The following ARL17A variants were observed in gnomAD, a reference collection of about 807,000 sequenced individuals.
ARL17A encodes the protein ARF like GTPase 17A.
At chr17:46,511,690 T>C in the ARL17A span, 1 of 62,060 alleles carries the variant, frequency 1.6e-5, no homozygotes, top group Non-Finnish European at 4.0e-5. Context: ...GTCTCGAACT[T>C]CTGACCTCAG....
chr17:46,501,537 A>T, the ARL17A span, among the ~76,000 whole-genome samples: 5 of 151,400 alleles, frequency 3.3e-5, no homozygotes, highest in South Asian at 1.0e-3. Context: ...GCCGGCTGTT[A>T]TATAAAGGAG....
chr17:46,526,719 G>A (rs1246848387), downstream of ARL17A, among the ~76,000 whole-genome samples: 2 of 105,378 alleles, frequency 1.9e-5, no homozygotes, highest in Non-Finnish European at 4.1e-5. Flanking sequence ...GCTTATTAGT[G>A]GACTTAACTG....
Position 46,521,071 on chromosome 17 carries a change from A to C in ARL17A, c.260-3838T>G, listed in dbSNP as rs1229455917. On this transcript the variant is annotated intron_variant, in intron 3 of 4. Coordinates refer to the ARL17A transcript ENST00000445552. Reference sequence around the variant, plus strand: ...AACTGGTAGAGCTAGAAATGTTTACACTAAGAAGCACATCAGAAATGCCCC... The same window carrying C: ...AACTGGTAGAGCTAGAAATGTTTACCCTAAGAAGCACATCAGAAATGCCCC... Among the ~76,000 whole-genome samples, 13 of 79,648 alleles carry C rather than the reference A, an allele frequency of 1.6e-4. 3 individuals carry two copies. The highest frequency in any genetic ancestry group is 4.1e-4 in the African/African-American group (11 of 27,156). The allele number at this position is 79,648 out of a possible 152,430, so 52.3% of individuals were successfully genotyped here. A position where few individuals can be genotyped will look rare whatever the true frequency, so the allele number is the denominator to read the frequency against.
At chr17:46,529,204 AG>A (rs1362598007) in intron 4 of ARL17A, among the ~76,000 whole-genome samples, 5 of 131,280 alleles carry the variant, frequency 3.8e-5, no homozygotes, top group Admixed American at 8.0e-5. Flanking sequence ...GGGAAAAAAA[AG>A]AACAAGCAAG....
chr17:46,502,379 C>T, the ARL17A span, among the ~76,000 whole-genome samples: 1 of 151,210 alleles, frequency 6.6e-6, no homozygotes, highest in African/African-American at 2.5e-5. Flanking sequence ...GGCCCGGTCT[C>T]TGCTCACTGC....
In ARL17A at chr17:46,553,282, T is replaced by G. The variant is rs2056991414; in HGVS notation, c.*4074A>C. Reference sequence around the variant, plus strand: ...GTTACACAGCATACAATTCCTGTCTTCAAAAAAGTTACCTCATCAGGTAGA... The same window carrying G: ...GTTACACAGCATACAATTCCTGTCTGCAAAAAAGTTACCTCATCAGGTAGA... On this transcript the variant is annotated 3_prime_UTR_variant, in exon 4 of 4. Coordinates refer to ENST00000336125, the MANE Select transcript of ARL17A (RefSeq NM_001113738.2). 1.3e-6 allele frequency: 2 copies of G among 1,549,214 alleles called. No individual in the cohort carries two copies. The highest frequency in any genetic ancestry group is 3.8e-5 in the Admixed American group (2 of 52,422).
At chr17:46,534,685 T>C (rs1427080819) in intron 4 of ARL17A, among the ~76,000 whole-genome samples, 2 of 149,912 alleles carry the variant, frequency 1.3e-5, no homozygotes, top group East Asian at 2.0e-4. Context: ...ATCGTCATCA[T>C]GGCCCGTTCT....
intron 3 of ARL17A, among the ~76,000 whole-genome samples, chr17:46,519,883 GA>G (rs1598317592): frequency 7.7e-6 from 1 of 129,304 alleles, no homozygotes; most frequent in African/African-American, 3.0e-5. Context: ...GGAGGAAATG[GA>G]GGTTCTGCTG....
At chr17:46,545,548 A>G (rs1355755206) in intron 3 of ARL17A, among the ~76,000 whole-genome samples, 2 of 126,504 alleles carry the variant, frequency 1.6e-5, no homozygotes, top group African/African-American at 7.6e-5. Context: ...TTTTCACCCA[A>G]ATGTGCATCA....
At chr17:46,545,394 T>A (rs1428780887) in intron 3 of ARL17A, among the ~76,000 whole-genome samples, 1 of 130,044 alleles carries the variant, frequency 7.7e-6, no homozygotes, top group Non-Finnish European at 1.6e-5. Context: ...TGAGGCTGCA[T>A]TGAGGTATAA....
chr17:46,532,898 C>T (rs2053916119), intron 4 of ARL17A, among the ~76,000 whole-genome samples: 3 of 147,474 alleles, frequency 2.0e-5, no homozygotes, highest in Non-Finnish European at 4.4e-5. Context: ...CCCAGGAGTT[C>T]GAGGCCAGCC....
At chr17:46,502,199 A>G in the ARL17A span, among the ~76,000 whole-genome samples, 12 of 151,308 alleles carry the variant, frequency 7.9e-5, 1 homozygote, top group African/African-American at 2.2e-4. Flanking sequence ...ATGTTCTACA[A>G]GTTAATAGAT....
the ARL17A span, among the ~76,000 whole-genome samples, chr17:46,502,040 G>A: frequency 6.6e-6 from 1 of 151,386 alleles, no homozygotes; most frequent in East Asian, 1.9e-4. Flanking sequence ...ATATGGTAAA[G>A]GTATGGTAAA....
chr17:46,575,086 G>A (rs1323597166), intron 2 of ARL17A, among the ~76,000 whole-genome samples: 1 of 83,338 alleles, frequency 1.2e-5, no homozygotes. Flanking sequence ...GACAGAGCGA[G>A]ACTCTATCTC....
At chr17:46,532,350 C>T (rs1402503133) in intron 4 of ARL17A, among the ~76,000 whole-genome samples, 1 of 150,476 alleles carries the variant, frequency 6.6e-6, no homozygotes, top group Non-Finnish European at 1.5e-5. Flanking sequence ...TTTCCATCTA[C>T]ATTCATAAGA....
chr17:46,536,824 C>G (rs2054605047), intron 4 of ARL17A, among the ~76,000 whole-genome samples: 1 of 9,560 alleles, frequency 1.0e-4, no homozygotes, highest in African/African-American at 7.2e-4. Flanking sequence ...CAGGGAACCA[C>G]CAGACAGATG....
intron 3 of ARL17A, among the ~76,000 whole-genome samples, chr17:46,569,323 G>A (rs2057643877): frequency 6.7e-6 from 1 of 149,668 alleles, no homozygotes; most frequent in African/African-American, 2.5e-5. Flanking sequence ...TATTAATTTT[G>A]GAGATGTTAT....
At chr17:46,501,417 C>T in the ARL17A span, among the ~76,000 whole-genome samples, 1 of 151,200 alleles carries the variant, frequency 6.6e-6, no homozygotes, top group African/African-American at 2.5e-5. Context: ...TCAAATGATC[C>T]ACCCGCCTTC....
At chr17:46,534,737 G>A (rs1234283633) in intron 4 of ARL17A, among the ~76,000 whole-genome samples, 2 of 150,028 alleles carry the variant, frequency 1.3e-5, no homozygotes, top group South Asian at 2.1e-4. Flanking sequence ...GGTGGCGGCC[G>A]GGCAGAGGGG....
Sources: allele counts gnomAD v4.1 joint callset (sites outside exome capture counted in the v4.1 genomes callset), GRCh38; gene constraint gnomAD v4.1.1; transcripts MANE v1.5; gene names NCBI Gene and HGNC (gene_info 2026-07-23, HGNC 2026-07-21).